Variants in DOCK5 observed in about 807,000 individuals in gnomAD.
DOCK5 encodes dedicator of cytokinesis protein 5.
In DOCK5, 142 loss-of-function variants were observed where a neutral mutation model predicts 251.8. The ratio of observed to expected loss-of-function variants is 0.56; its 90% confidence interval spans 0.49 to 0.65. The LOEUF is 0.65. Ranked by LOEUF, DOCK5 falls within the 30% of genes least tolerant of loss-of-function variation. The probability of loss-of-function intolerance (pLI) is 0.00; values close to 1 mark genes in which losing one functional copy is unlikely to be tolerated. For synonymous variants in DOCK5, 842 were observed against 835.5 expected (o/e 1.01, Z -0.13); for missense variants, 2,111 against 2,312.3 (o/e 0.91, Z 1.79).
chr8:25,343,223 G>A (rs1800284370), intron 25 of DOCK5, among the ~76,000 whole-genome samples: 1 of 151,056 alleles, frequency 6.6e-6, no homozygotes, highest in African/African-American at 2.4e-5. Context: ...TGGCCAGGCT[G>A]GCCTCAAACT....
At position 25,317,074 on chromosome 8, in the gene DOCK5, G is replaced by A. The variant is rs776617535; in HGVS notation, c.1386G>A (p.Thr462=). The A allele has an allele frequency of 5.8e-5, 94 of 1,613,816 alleles. No homozygotes were observed. Among genetic ancestry groups the A allele is most frequent in the Non-Finnish European group, 7.3e-5 (86 of 1,179,866 alleles). ...HGEFDKGKKK[T]PKNVEVTMSV... ...AGTTTGACAAAGGGAAGAAGAAGACGCCAAAGAATGTGGAGGTGACGATGT... is the reference window on the plus strand; with the variant it reads ...AGTTTGACAAAGGGAAGAAGAAGACACCAAAGAATGTGGAGGTGACGATGT... The change falls in exon 14 of 52, where the codon ACG becomes ACA. Residue 462 remains threonine (T), a synonymous_variant. Transcript: ENST00000276440.
rs111628470 is a variant in DOCK5 at position 25,295,384 on chromosome 8, TAA to T, written c.471-1122_471-1121del. ...GAGCCCAGGAGTTTAAGGCTGTCTC[TAA>T]AAAAAATAAAAATAAATAAATTCTC... On this transcript the variant is annotated intron_variant, in intron 6 of 51. Transcript: ENST00000276440. 1.5e-3 allele frequency among the ~76,000 whole-genome samples: 212 copies of T among 143,614 alleles called. 1 individual carries two copies. Among genetic ancestry groups the T allele is most frequent in the Middle Eastern group, 0.011 (3 of 268 alleles). The allele number at this position is 143,614 out of a possible 152,430, so 94.2% of individuals were successfully genotyped here. A position where few individuals can be genotyped will look rare whatever the true frequency, so the allele number is the denominator to read the frequency against.
intron 1 of DOCK5, among the ~76,000 whole-genome samples, chr8:25,227,167 A>G (rs1262053579): frequency 1.3e-5 from 2 of 152,230 alleles, no homozygotes; most frequent in Admixed American, 6.5e-5. Context: ...TTGTTTTTCA[A>G]AAAGTCCAGA....
At chr8:25,348,912 C>T (rs1800418877) in intron 26 of DOCK5, among the ~76,000 whole-genome samples, 1 of 152,114 alleles carries the variant, frequency 6.6e-6, no homozygotes, top group South Asian at 2.1e-4. Context: ...TCAGAGGAGC[C>T]TTATTCATTT....
chr8:25,254,974 A>G (rs189984838), intron 2 of DOCK5, among the ~76,000 whole-genome samples: 13 of 152,196 alleles, frequency 8.5e-5, no homozygotes, highest in African/African-American at 3.1e-4. Context: ...ATCATATATC[A>G]TTAGAGAATT....
intron 3 of DOCK5, among the ~76,000 whole-genome samples, chr8:25,271,438 C>A (rs984717081): frequency 6.6e-6 from 1 of 152,154 alleles, no homozygotes; most frequent in Non-Finnish European, 1.5e-5. Flanking sequence ...GCTTTTGACA[C>A]CCCGTCATTA....
chr8:25,328,146 A>C (rs1220722413), intron 18 of DOCK5, among the ~76,000 whole-genome samples: 3 of 152,058 alleles, frequency 2.0e-5, no homozygotes, highest in Non-Finnish European at 4.4e-5. Context: ...ATCATCACAG[A>C]ATGTTCCTTT....
At chr8:25,372,803 A>C in intron 35 of DOCK5, 85 bp downstream of exon 35, 1 of 1,369,468 alleles carries the variant, frequency 7.3e-7, no homozygotes. Flanking sequence ...AGATCCCACA[A>C]ACACAGAGGC....
chr8:25,335,084 T>C (rs1250355252), intron 21 of DOCK5, among the ~76,000 whole-genome samples: 3 of 152,224 alleles, frequency 2.0e-5, no homozygotes, highest in African/African-American at 7.2e-5. Context: ...TGTGTGTGCC[T>C]GCCACACCCA....
intron 37 of DOCK5, chr8:25,375,328 C>T (rs1800944865): frequency 6.4e-6 from 1 of 155,504 alleles, no homozygotes; most frequent in Non-Finnish European, 1.4e-5. Context: ...TCACCACCTC[C>T]CACATTCTCC....
intron 14 of DOCK5, among the ~76,000 whole-genome samples, chr8:25,319,348 C>T (rs914499514): frequency 9.2e-5 from 14 of 152,088 alleles, no homozygotes; most frequent in Admixed American, 3.3e-4. Flanking sequence ...AATATTTAGG[C>T]GGTGCTGGGT....
rs142391419 is a variant in DOCK5 at position 25,298,951 on chromosome 8, T to C, written c.614T>C (p.Leu205Pro). ...TGTTCCCTCTTTGTTCAGTCAATCC[T>C]GCAGAACCTCGATTTGCGGGGCCAG... is the stretch of plus-strand genomic sequence containing the variant. The part of the protein sequence containing the change: ...EEKIQEEKSI[L>P]QNLDLRGQSI... Residue 205 changes from leucine to proline, a missense_variant, in exon 8 of 52, where the codon CTG (leucine) becomes CCG (proline). Transcript: ENST00000276440. 5.0e-6 allele frequency: 8 copies of C among 1,611,748 alleles called. No individual in the cohort carries two copies. Among genetic ancestry groups the C allele is most frequent in the Non-Finnish European group, 5.9e-6 (7 of 1,179,184 alleles).
At chr8:25,381,159 C>A (rs1249011098) in intron 39 of DOCK5, among the ~76,000 whole-genome samples, 1 of 152,154 alleles carries the variant, frequency 6.6e-6, no homozygotes, top group Non-Finnish European at 1.5e-5. Context: ...GGTAGGCAAC[C>A]ATAATATTAA....
intron 5 of DOCK5, among the ~76,000 whole-genome samples, chr8:25,290,138 A>G (rs1804449877): frequency 6.6e-6 from 1 of 152,126 alleles, no homozygotes; most frequent in African/African-American, 2.4e-5. Flanking sequence ...TAGATCCTTG[A>G]GGGCAGAAAC....
intron 32 of DOCK5, 66 bp downstream of exon 32, chr8:25,368,316 C>T: frequency 1.4e-6 from 2 of 1,431,846 alleles, no homozygotes; most frequent in Non-Finnish European, 1.9e-6. Flanking sequence ...ACGATAAAGT[C>T]TTTTTTTTAT....
intron 36 of DOCK5, among the ~76,000 whole-genome samples, chr8:25,374,139 G>C (rs1455707591): frequency 6.6e-6 from 1 of 152,194 alleles, no homozygotes; most frequent in East Asian, 1.9e-4. Context: ...GGTGGAGTCA[G>C]AGAAACACGG....
chr8:25,377,638 C>T (rs554896268), intron 38 of DOCK5, among the ~76,000 whole-genome samples: 43 of 152,286 alleles, frequency 2.8e-4, no homozygotes, highest in African/African-American at 1.0e-3. Context: ...ATCTGGGGGG[C>T]TTCCACTGCC....
At chr8:25,394,763 A>G (rs1046029570) in intron 44 of DOCK5, among the ~76,000 whole-genome samples, 3 of 152,346 alleles carry the variant, frequency 2.0e-5, no homozygotes, top group Middle Eastern at 3.4e-3. Context: ...AATCATTACC[A>G]TAGCTCCAAT....
chr8:25,296,778 C>T, intron 7 of DOCK5, 130 bp downstream of exon 7: 4 of 1,180,556 alleles, frequency 3.4e-6, no homozygotes, highest in Non-Finnish European at 4.7e-6. Context: ...AAAAGTGAAA[C>T]ATAGCAGAAA....
Sources: allele counts gnomAD v4.1 joint callset (sites outside exome capture counted in the v4.1 genomes callset), GRCh38; gene constraint gnomAD v4.1.1; transcripts MANE v1.5; gene names NCBI Gene and HGNC (gene_info 2026-07-23, HGNC 2026-07-21).